The following PGGT1B variants were observed in gnomAD, a reference collection of about 807,000 sequenced individuals.
The protein encoded by PGGT1B is geranylgeranyl transferase type-1 subunit beta.
Under a neutral mutation model 46.1 loss-of-function variants are expected in PGGT1B, and 30 were observed. The observed-to-expected ratio is 0.65, with a 90% confidence interval of 0.49 to 0.88. The LOEUF is 0.88. PGGT1B is among the 40% of genes least tolerant of loss of function. The pLI is 0.00. For synonymous variants in PGGT1B, 170 were observed against 160.0 expected, an observed-to-expected ratio of 1.06 and a Z score of -0.47; for missense variants, 376 against 455.9, an observed-to-expected ratio of 0.82 and a Z score of 1.60.
At chr5:115,245,260 A>G (rs188836898) in intron 2 of PGGT1B, among the ~76,000 whole-genome samples, 81 of 152,374 alleles carry the variant, frequency 5.3e-4, no homozygotes, top group Admixed American at 4.2e-3. Context: ...AGTGAAATAA[A>G]TGAATTTATT....
intron 7 of PGGT1B, among the ~76,000 whole-genome samples, chr5:115,219,967 G>A (rs1456438759): frequency 6.6e-6 from 1 of 151,718 alleles, no homozygotes; most frequent in African/African-American, 2.4e-5. Flanking sequence ...AGGATGTAGA[G>A]AAAATGGAAC....
At chr5:115,212,709 G>T in intron 8 of PGGT1B, 126 bp from the exon 9 acceptor site, 1 of 580,768 alleles carries the variant, frequency 1.7e-6, no homozygotes. Flanking sequence ...TGCTAATATA[G>T]TTTTAAAAAT....
At chr5:115,232,090 G>A (rs1246287378) in intron 5 of PGGT1B, among the ~76,000 whole-genome samples, 2 of 151,976 alleles carry the variant, frequency 1.3e-5, no homozygotes, top group Non-Finnish European at 2.9e-5. Flanking sequence ...CAGAAAGAGG[G>A]GCTTGGCCAA....
rs1756139578 is a variant in PGGT1B at position 115,208,865 on chromosome 5, TG to T, written c.*3536del. The stretch of plus-strand genomic sequence containing the variant: ...CCTGTCATATTTGCATTTTATTTTT[TG>T]GCAAATATTAGGTTTTTATCTGTCT... On this transcript the variant is annotated 3_prime_UTR_variant, in exon 9 of 9. Coordinates refer to ENST00000419445, the MANE Select transcript of PGGT1B (RefSeq NM_005023.4). 1 of 152,086 alleles carries T rather than the reference TG, an allele frequency of 6.6e-6. No homozygotes were observed. The highest frequency in any genetic ancestry group is 1.5e-5 in the Non-Finnish European group (1 of 67,970). 9.4% of individuals were successfully genotyped at this position (152,086 alleles called of 1,614,324 possible). A position where few individuals can be genotyped will look rare whatever the true frequency, so the allele number is the denominator to read the frequency against.
chr5:115,211,588 T>C lies in PGGT1B; in HGVS notation c.*814A>G, dbSNP rs1472628495. 7.5e-6 allele frequency: 1 copy of C among 133,660 alleles called. No individual in the cohort carries two copies. The highest frequency in any genetic ancestry group is 1.6e-5 in the Non-Finnish European group (1 of 63,248). The allele number at this position is 133,660 out of a possible 1,614,324, so 8.3% of individuals were successfully genotyped here. The stretch of plus-strand genomic sequence containing the variant: ...TTCTAGATAAAAAAGATTGTTTTCT[T>C]CCTAGAAAGCAAAAAAAAAAAAAAA... On this transcript the variant is annotated 3_prime_UTR_variant, in exon 9 of 9. Coordinates refer to ENST00000419445, the MANE Select transcript of PGGT1B (RefSeq NM_005023.4).
intron 5 of PGGT1B, 56 bp downstream of exon 5, chr5:115,236,334 G>C: frequency 7.4e-7 from 1 of 1,358,038 alleles, no homozygotes; most frequent in Admixed American, 2.1e-5. Flanking sequence ...CTATAATACA[G>C]CCCTCATGTA....
intron 1 of PGGT1B, among the ~76,000 whole-genome samples, chr5:115,261,351 T>A (rs1379551074): frequency 6.6e-6 from 1 of 152,210 alleles, no homozygotes; most frequent in African/African-American, 2.4e-5. Flanking sequence ...GCTCACATTA[T>A]TCAACAAATA....
intron 2 of PGGT1B, among the ~76,000 whole-genome samples, chr5:115,244,466 C>CA (rs1299602640): frequency 0.62 from 19,202 of 31,090 alleles, 6,610 homozygotes; most frequent in East Asian, 0.87. Context: ...CTCTGTCTCA[C>CA]AAAAAAAAAA....
intron 1 of PGGT1B, among the ~76,000 whole-genome samples, chr5:115,259,621 G>A (rs1018128743): frequency 1.2e-4 from 18 of 149,918 alleles, no homozygotes; most frequent in African/African-American, 4.0e-4. Flanking sequence ...CCCAGGAGGC[G>A]GAGGCTGCAG....
chr5:115,257,331 G>A (rs1249856399), intron 1 of PGGT1B, among the ~76,000 whole-genome samples: 2 of 152,000 alleles, frequency 1.3e-5, no homozygotes, highest in African/African-American at 2.4e-5. Context: ...TGGCCAACAT[G>A]ATGAAACTCC....
intron 1 of PGGT1B, among the ~76,000 whole-genome samples, chr5:115,261,127 A>G (rs200313603): frequency 1.3e-5 from 2 of 152,228 alleles, no homozygotes; most frequent in African/African-American, 4.8e-5. Flanking sequence ...AAAAGCTTTG[A>G]ATTCACATAA....
In PGGT1B at chr5:115,235,794, AG is replaced by A. The variant is rs1427250208; in HGVS notation, c.612+595del. On this transcript the variant is annotated intron_variant, in intron 5 of 8. Transcript: ENST00000419445. Reference sequence around the variant, plus strand: ...AACTCCATTCTTCTTAGGAACTCACAGGCATTTTCATTTTGAAATATTGCCT... The same window carrying A: ...AACTCCATTCTTCTTAGGAACTCACAGCATTTTCATTTTGAAATATTGCCT... 2.6e-5 allele frequency among the ~76,000 whole-genome samples: 4 copies of A among 152,118 alleles called. No individual in the cohort carries two copies. In the South Asian group the frequency reaches 8.3e-4, roughly 32 times the overall value.
intron 5 of PGGT1B, among the ~76,000 whole-genome samples, chr5:115,235,444 C>T (rs1250334787): frequency 2.6e-5 from 4 of 152,038 alleles, no homozygotes; most frequent in Non-Finnish European, 5.9e-5. Flanking sequence ...CCAGGTATCT[C>T]ACCACAAGAT....
chr5:115,255,065 C>T (rs569273289), intron 1 of PGGT1B, among the ~76,000 whole-genome samples: 13 of 152,244 alleles, frequency 8.5e-5, no homozygotes, highest in African/African-American at 2.9e-4. Context: ...TAATCAGCTT[C>T]CAATAATTAT....
intron 7 of PGGT1B, among the ~76,000 whole-genome samples, chr5:115,219,566 AAC>A (rs959950337): frequency 2.4e-4 from 37 of 151,916 alleles, no homozygotes; most frequent in African/African-American, 7.7e-4. Flanking sequence ...TGACACCAAT[AAC>A]ACAATCAATA....
intron 5 of PGGT1B, among the ~76,000 whole-genome samples, chr5:115,235,888 T>A (rs1757165759): frequency 6.6e-6 from 1 of 152,142 alleles, no homozygotes; most frequent in Non-Finnish European, 1.5e-5. Context: ...ATGAAAAACT[T>A]CATATTTGGG....
intron 2 of PGGT1B, among the ~76,000 whole-genome samples, chr5:115,252,365 T>C (rs1216982080): frequency 2.0e-5 from 3 of 152,028 alleles, no homozygotes; most frequent in Non-Finnish European, 4.4e-5. Flanking sequence ...CCTTTCTTTC[T>C]AAGTAAAGTT....
At chr5:115,249,275 C>T (rs977505669) in intron 2 of PGGT1B, among the ~76,000 whole-genome samples, 6 of 152,092 alleles carry the variant, frequency 3.9e-5, no homozygotes, top group East Asian at 1.9e-4. Flanking sequence ...AGTAAAGTTT[C>T]GGTGCCACAA....
chr5:115,223,454 G>A lies in PGGT1B; in HGVS notation c.659-1446C>T, dbSNP rs551507682. ...AGACTAACAGAGAGGGGGTGGCAAT[G>A]CAACTATGGTGCCAGAGATTTGAGT... On this transcript the variant is annotated intron_variant, in intron 6 of 8. Transcript: ENST00000419445. Among the ~76,000 whole-genome samples the A allele has an allele frequency of 3.3e-5, 5 of 152,258 alleles. No homozygotes were observed. The South Asian group carries it at 1.0e-3, about 32-fold the overall frequency.
Sources: allele counts gnomAD v4.1 joint callset (sites outside exome capture counted in the v4.1 genomes callset), GRCh38; gene constraint gnomAD v4.1.1; transcripts MANE v1.5; gene names NCBI Gene and HGNC (gene_info 2026-07-23, HGNC 2026-07-21).